SORCS2: variants seen among roughly 807,000 people sequenced by gnomAD.
SORCS2 encodes sortilin related VPS10 domain containing receptor 2.
Under a neutral mutation model 141.6 loss-of-function variants are expected in SORCS2, and 100 were observed. That is an observed-to-expected ratio of 0.71 (90% CI 0.60 to 0.83). SORCS2 has a LOEUF of 0.83. Ranked by LOEUF, SORCS2 falls within the 40% of genes least tolerant of loss-of-function variation. The pLI, the probability that SORCS2 is intolerant of heterozygous loss-of-function variation, is 0.00. For missense variants in SORCS2, 1,646 were observed against 1,560.2 expected (o/e 1.05, Z -0.93); for synonymous variants, 789 against 676.9 (o/e 1.17, Z -2.57).
chr4:7,397,452 A>G (rs1724287938), intron 2 of SORCS2, among the ~76,000 whole-genome samples: 1 of 151,786 alleles, frequency 6.6e-6, no homozygotes, highest in Non-Finnish European at 1.5e-5. Context: ...CGCTTTTCCT[A>G]GAAGCTCTTC....
At chr4:7,561,040 C>A (rs1026009738) in intron 3 of SORCS2, among the ~76,000 whole-genome samples, 1 of 152,182 alleles carries the variant, frequency 6.6e-6, no homozygotes, top group East Asian at 1.9e-4. Context: ...TTGACTGGAC[C>A]CCAGGCCCTC....
intron 18 of SORCS2, among the ~76,000 whole-genome samples, chr4:7,720,606 T>C (rs1440226801): frequency 1.3e-5 from 2 of 151,886 alleles, no homozygotes; most frequent in Non-Finnish European, 2.9e-5. Flanking sequence ...AAACCACATA[T>C]CCAACAAGGA....
chr4:7,675,616 G>C (rs955763852), intron 8 of SORCS2, among the ~76,000 whole-genome samples: 4 of 152,214 alleles, frequency 2.6e-5, no homozygotes, highest in Non-Finnish European at 4.4e-5. Context: ...CTTGAATGAA[G>C]GAGGGAGCAG....
chr4:7,548,629 G>A (rs924869541), intron 3 of SORCS2, among the ~76,000 whole-genome samples: 14 of 152,032 alleles, frequency 9.2e-5, no homozygotes, highest in South Asian at 4.2e-4. Flanking sequence ...GCCAGAGGGC[G>A]GCTCACAGTC....
intron 2 of SORCS2, among the ~76,000 whole-genome samples, chr4:7,499,594 G>C (rs1423905922): frequency 6.6e-6 from 1 of 152,234 alleles, no homozygotes; most frequent in South Asian, 2.1e-4. Flanking sequence ...GCCGGCATGG[G>C]AGACAGGCCA....
intron 1 of SORCS2, among the ~76,000 whole-genome samples, chr4:7,236,054 A>G (rs372011843): frequency 2.6e-5 from 4 of 152,360 alleles, no homozygotes; most frequent in African/African-American, 9.6e-5. Flanking sequence ...GGAGGCATGT[A>G]ATAGCTTCTG....
intron 2 of SORCS2, among the ~76,000 whole-genome samples, chr4:7,513,867 T>A (rs1269355473): frequency 6.6e-6 from 1 of 152,228 alleles, no homozygotes. Context: ...GCCTTTGGTT[T>A]GCTTGCCTGG....
intron 2 of SORCS2, among the ~76,000 whole-genome samples, chr4:7,488,147 G>T (rs1247894804): frequency 6.6e-6 from 1 of 152,216 alleles, no homozygotes; most frequent in Admixed American, 6.5e-5. Flanking sequence ...TCATCAACTA[G>T]TGACCAGTCT....
intron 2 of SORCS2, among the ~76,000 whole-genome samples, chr4:7,419,608 C>T (rs1343407970): frequency 6.6e-6 from 1 of 152,240 alleles, no homozygotes; most frequent in African/African-American, 2.4e-5. Context: ...TGTGGAAGCT[C>T]ATCAGTTTCT....
At chr4:7,701,529 C>A (rs1317283664) in intron 12 of SORCS2, among the ~76,000 whole-genome samples, 1 of 152,170 alleles carries the variant, frequency 6.6e-6, no homozygotes, top group South Asian at 2.1e-4. Flanking sequence ...GGGCAGGGGC[C>A]CCTCCTTCGG....
rs1711809300 is a variant in SORCS2 at position 7,732,814 on chromosome 4, T to C, written c.3109-508T>C. ...CTCGGTCGCCTTTGTGTCCCTTCCA[T>C]GGTTCTTGGTGAAAGTTCCCTTGTG... is the stretch of plus-strand genomic sequence containing the variant. On this transcript the variant is annotated intron_variant, in intron 23 of 26. Coordinates refer to ENST00000507866, the MANE Select transcript of SORCS2 (RefSeq NM_020777.3). 2.0e-5 allele frequency among the ~76,000 whole-genome samples: 3 copies of C among 152,114 alleles called. No individual in the cohort carries two copies. The South Asian group carries it at 6.2e-4, about 32-fold the overall frequency.
chr4:7,543,512 CATCCATCCGTCCATCCATCCACTT>C (rs1383424457), intron 3 of SORCS2, among the ~76,000 whole-genome samples: 1 of 134,846 alleles, frequency 7.4e-6, no homozygotes, highest in Non-Finnish European at 1.6e-5. Flanking sequence ...TCCATCCATC[CATCCATCCGTCCATCCATCCACTT>C]ATCCATCCGT....
At chr4:7,724,481 TG>T (rs1726924295) in intron 19 of SORCS2, among the ~76,000 whole-genome samples, 1 of 40,058 alleles carries the variant, frequency 2.5e-5, no homozygotes, top group African/African-American at 1.7e-4. Context: ...GTGATGGTGG[TG>T]ATGGTGGTGG....
intron 1 of SORCS2, among the ~76,000 whole-genome samples, chr4:7,297,718 C>T (rs1041871010): frequency 6.6e-5 from 10 of 152,232 alleles, no homozygotes; most frequent in Non-Finnish European, 5.9e-5. Context: ...GGGACTTAGA[C>T]GTGTCTCATG....
chr4:7,479,044 T>C (rs919939937), intron 2 of SORCS2, among the ~76,000 whole-genome samples: 2 of 152,082 alleles, frequency 1.3e-5, no homozygotes, highest in African/African-American at 4.8e-5. Context: ...TTCACAGAAG[T>C]CTGATAAGCT....
chr4:7,233,408 C>T lies in SORCS2; in HGVS notation c.480+40282C>T, dbSNP rs1278712190. ...GTAGCCCTCATCACGTCCTCCACAG[C>T]CTCCACAGCAGCCCGCAGGTTGCCA... On this transcript the variant is annotated intron_variant, in intron 1 of 26. Transcript: ENST00000507866. The surrounding 1 kb of genome is among the most constrained non-coding windows in gnomAD (Gnocchi z 4.5). Among the ~76,000 whole-genome samples, 1 of 152,208 alleles carries T rather than the reference C, an allele frequency of 6.6e-6. No individual in the cohort carries two copies. Among genetic ancestry groups the T allele is most frequent in the Non-Finnish European group, 1.5e-5 (1 of 68,034 alleles).
chr4:7,614,261 C>T (rs1384666695), intron 3 of SORCS2, among the ~76,000 whole-genome samples: 1 of 150,818 alleles, frequency 6.6e-6, no homozygotes, highest in African/African-American at 2.4e-5. Flanking sequence ...CACCCATCCA[C>T]TCATCCATCC....
At chr4:7,505,758 C>T (rs1425455343) in intron 2 of SORCS2, among the ~76,000 whole-genome samples, 1 of 152,192 alleles carries the variant, frequency 6.6e-6, no homozygotes, top group Non-Finnish European at 1.5e-5. Context: ...CTGGCCCTTC[C>T]TCTTCCTGAC....
At position 7,704,210 on chromosome 4, in the gene SORCS2, G is replaced by C; in HGVS notation, c.1794G>C (p.Thr598=). The C allele has an allele frequency of 6.2e-7, 1 of 1,612,916 alleles. No individual in the cohort carries two copies. The highest frequency in any genetic ancestry group is 1.3e-5 in the African/African-American group (1 of 75,006). The stretch of plus-strand genomic sequence containing the variant: ...TGGACGAGGGCCTCACCTGGAGCAC[G>C]CACAACTTCACCAGCACCTCGGTGT... The part of the protein sequence containing the change: ...FSVDEGLTWS[T]HNFTSTSVFV... The change falls in exon 14 of 27, where the codon ACG becomes ACC. Residue 598 remains threonine, a synonymous_variant. Coordinates refer to ENST00000507866, the MANE Select transcript of SORCS2 (RefSeq NM_020777.3).
Sources: allele counts gnomAD v4.1 joint callset (sites outside exome capture counted in the v4.1 genomes callset), GRCh38; gene constraint gnomAD v4.1.1; non-coding constraint Gnocchi (gnomAD v3.1); transcripts MANE v1.5; gene names NCBI Gene and HGNC (gene_info 2026-07-23, HGNC 2026-07-21).